Variants in LYPD6 observed in about 807,000 individuals in gnomAD.
LYPD6 encodes LY6/PLAUR domain containing 6, also known as ly6/PLAUR domain-containing protein 6.
Under a neutral mutation model 22.7 loss-of-function variants are expected in LYPD6, and 15 were observed. That is an observed-to-expected ratio of 0.66 (90% CI 0.44 to 1.02). The LOEUF (loss-of-function observed/expected upper bound fraction) is 1.02. Ranked by LOEUF, LYPD6 falls within the 50% of genes least tolerant of loss-of-function variation. The probability of loss-of-function intolerance (pLI) is 0.00; values close to 1 mark genes in which losing one functional copy is unlikely to be tolerated. For missense variants in LYPD6, 189 were observed against 208.4 expected (o/e 0.91, Z 0.57); for synonymous variants, 72 against 77.5 (o/e 0.93, Z 0.37).
chr2:149,450,088 C>G (rs192232809), intron 3 of LYPD6, among the ~76,000 whole-genome samples: 1 of 152,328 alleles, frequency 6.6e-6, no homozygotes, highest in African/African-American at 2.4e-5. Flanking sequence ...AGTACTCTAA[C>G]CCAGGAGCCT....
rs549386092 is a variant in LYPD6, at chr2:149,405,986, T to C, written c.-71-31652T>C. 5.2e-4 allele frequency among the ~76,000 whole-genome samples: 78 copies of C among 149,822 alleles called. No homozygotes were observed. In the South Asian group the frequency reaches 0.012, roughly 23 times the overall value. ...ATCTTTATTTCTGCCTTCATTTCGT[T>C]ATGTACCCAGTAGTCATTCAGGAGC... On this transcript the variant is annotated intron_variant, in intron 1 of 4. Coordinates refer to ENST00000334166, the MANE Select transcript of LYPD6 (RefSeq NM_194317.5).
chr2:149,418,288 AG>A (rs1473538120), intron 1 of LYPD6, among the ~76,000 whole-genome samples: 1 of 152,224 alleles, frequency 6.6e-6, no homozygotes, highest in Non-Finnish European at 1.5e-5. Flanking sequence ...TGGTCCAACC[AG>A]TGCAAGCTGC....
At chr2:149,397,081 T>C (rs1481241980) in intron 1 of LYPD6, among the ~76,000 whole-genome samples, 1 of 152,242 alleles carries the variant, frequency 6.6e-6, no homozygotes, top group Non-Finnish European at 1.5e-5. Flanking sequence ...ATATATTCTA[T>C]CTGTGGTTGG....
At chr2:149,385,043 G>T (rs765427237) in intron 1 of LYPD6, among the ~76,000 whole-genome samples, 1 of 152,052 alleles carries the variant, frequency 6.6e-6, no homozygotes, top group Non-Finnish European at 1.5e-5. Flanking sequence ...TCTGTTTATG[G>T]ATGTAGATGG....
downstream of LYPD6, among the ~76,000 whole-genome samples, chr2:149,474,639 A>G (rs1336457733): frequency 6.6e-6 from 1 of 152,178 alleles, no homozygotes; most frequent in Non-Finnish European, 1.5e-5. Flanking sequence ...ACTTACATGA[A>G]GATAGCTCTT....
At chr2:149,460,499 A>G (rs532563433) in intron 3 of LYPD6, among the ~76,000 whole-genome samples, 2 of 152,282 alleles carry the variant, frequency 1.3e-5, no homozygotes, top group East Asian at 1.9e-4. Flanking sequence ...ACAGAATAAT[A>G]TAAAGGAAAG....
intron 2 of LYPD6, among the ~76,000 whole-genome samples, chr2:149,438,712 A>T (rs556657049): frequency 1.2e-4 from 18 of 152,356 alleles, no homozygotes; most frequent in South Asian, 1.0e-3. Flanking sequence ...CACATAGTCT[A>T]CAAAGTGAAG....
chr2:149,421,371 C>T (rs1035099826), intron 1 of LYPD6, among the ~76,000 whole-genome samples: 3 of 121,860 alleles, frequency 2.5e-5, no homozygotes, highest in African/African-American at 9.8e-5. Context: ...GCCTGGGTGA[C>T]AGAGCAAGAC....
At chr2:149,486,016 T>A in the LYPD6 span, among the ~76,000 whole-genome samples, 1 of 152,210 alleles carries the variant, frequency 6.6e-6, no homozygotes, top group Admixed American at 6.5e-5. Context: ...ATGCACATAT[T>A]TCTAATGTAT....
chr2:149,468,694 T>C lies in LYPD6; in HGVS notation c.267T>C (p.Ser89=), dbSNP rs774881316. 2 of 1,613,686 alleles carry C rather than the reference T, an allele frequency of 1.2e-6. No homozygotes were observed. The highest frequency in any genetic ancestry group is 1.7e-6 in the Non-Finnish European group (2 of 1,179,672). Residue 89 remains serine (S), a synonymous_variant, in exon 4 of 5, where the codon AGT becomes AGC. Coordinates refer to ENST00000334166, the MANE Select transcript of LYPD6 (RefSeq NM_194317.5). ...TQHTMEVTGN[S]ISVTKRCVPL... is the part of the protein sequence containing the mutation. ...ACACAATGGAAGTCACAGGAAACAG[T>C]ATCTCAGTCACCAAACGCTGTGTCC...
At chr2:149,369,569 C>T (rs1238264005) in intron 1 of LYPD6, among the ~76,000 whole-genome samples, 2 of 152,024 alleles carry the variant, frequency 1.3e-5, no homozygotes, top group Non-Finnish European at 2.9e-5. Context: ...TAATGAGGGC[C>T]CACCCTGGCT....
At chr2:149,346,243 T>C (rs1207478615) in intron 1 of LYPD6, among the ~76,000 whole-genome samples, 2 of 147,750 alleles carry the variant, frequency 1.4e-5, no homozygotes, top group Non-Finnish European at 3.0e-5. Context: ...TCGTATTTAA[T>C]GTTTGTTTTT....
At chr2:149,393,286 T>G (rs1359252149) in intron 1 of LYPD6, among the ~76,000 whole-genome samples, 1 of 152,214 alleles carries the variant, frequency 6.6e-6, no homozygotes, top group African/African-American at 2.4e-5. Context: ...GAGGGCTGAT[T>G]TAGCTCGAAG....
intron 1 of LYPD6, among the ~76,000 whole-genome samples, chr2:149,410,803 G>A (rs1203627668): frequency 1.3e-5 from 2 of 152,178 alleles, no homozygotes; most frequent in East Asian, 1.9e-4. Flanking sequence ...GGCAGGTGAT[G>A]TGTAATACAT....
chr2:149,432,863 G>A (rs938977310), intron 1 of LYPD6, among the ~76,000 whole-genome samples: 19 of 152,154 alleles, frequency 1.2e-4, no homozygotes, highest in Admixed American at 3.9e-4. Context: ...TTGAGGTTAT[G>A]TTCATTGGTT....
At chr2:149,440,170 A>C (rs982449537) in intron 2 of LYPD6, 4 of 154,548 alleles carry the variant, frequency 2.6e-5, no homozygotes, top group African/African-American at 9.6e-5. Flanking sequence ...TTTGCTGCAC[A>C]TGCTTTAAAA....
intron 1 of LYPD6, chr2:149,370,735 C>G (rs1405073361): frequency 6.6e-6 from 1 of 152,136 alleles, no homozygotes; most frequent in Non-Finnish European, 1.5e-5. Flanking sequence ...CCATGAGAAG[C>G]AAACATAAAA....
chr2:149,427,392 C>A (rs1219991684), intron 1 of LYPD6, among the ~76,000 whole-genome samples: 1 of 152,144 alleles, frequency 6.6e-6, no homozygotes, highest in Admixed American at 6.5e-5. Flanking sequence ...CAGACCACCA[C>A]CCCCTCCCAA....
At chr2:149,431,890 A>G (rs1423588262) in intron 1 of LYPD6, among the ~76,000 whole-genome samples, 6 of 152,234 alleles carry the variant, frequency 3.9e-5, no homozygotes, top group Non-Finnish European at 7.3e-5. Flanking sequence ...TCCAGAATAT[A>G]GAACTCTTAC....
Sources: gnomAD v4.1 joint callset for allele counts (sites outside exome capture counted in the v4.1 genomes callset) on GRCh38, gnomAD v4.1.1 for gene constraint, MANE v1.5 for transcripts, NCBI Gene and HGNC (gene_info 2026-07-23, HGNC 2026-07-21) for gene names.